Variants in AKAP8 observed in about 807,000 individuals in gnomAD.
The protein encoded by AKAP8 is A-kinase anchoring protein 8.
In AKAP8, 24 loss-of-function variants were observed where a neutral mutation model predicts 67.5. That is an observed-to-expected ratio of 0.36 (90% confidence interval 0.26 to 0.50). AKAP8 has a LOEUF of 0.50. Among genes scored for constraint, AKAP8 ranks in the 20% least tolerant of loss-of-function variants. The pLI, the probability that AKAP8 is intolerant of heterozygous loss-of-function variation, is 0.97. For missense variants in AKAP8, 971 were observed against 955.9 expected, an observed-to-expected ratio of 1.02 and a Z score of -0.21; for synonymous variants, 400 against 371.1, an observed-to-expected ratio of 1.08 and a Z score of -0.90.
intron 7 of AKAP8, among the ~76,000 whole-genome samples, chr19:15,371,546 T>C (rs932911432): frequency 6.6e-6 from 1 of 151,686 alleles, no homozygotes; most frequent in Non-Finnish European, 1.5e-5. Flanking sequence ...TGGGGTGCAG[T>C]GATGCAACGT....
In AKAP8 at chr19:15,373,903, C is replaced by T; in HGVS notation, c.254G>A (p.Cys85Tyr). ...MHMASYGPEP[C>Y]TDNSDSLIAK... ...AATGAGGGAGTCGGAATTGTCGGTG[C>T]ATGGCTCTGGGCCGTAAGAGGCCAT... Residue 85 changes from cysteine to tyrosine, a missense_variant, in exon 4 of 14, where the codon TGC (cysteine) becomes TAC (tyrosine). By Grantham distance (194) the Cys-to-Tyr change is radical (BLOSUM62 -2). Coordinates refer to ENST00000269701, the MANE Select transcript of AKAP8 (RefSeq NM_005858.4). 6.2e-7 allele frequency: 1 copy of T among 1,613,746 alleles called. No individual in the cohort carries two copies. Among genetic ancestry groups the T allele is most frequent in the Middle Eastern group, 1.7e-4 (1 of 5,762 alleles).
At chr19:15,374,730 GC>G in intron 2 of AKAP8, 95 bp from the exon 3 acceptor site, 2 of 1,462,846 alleles carry the variant, frequency 1.4e-6, no homozygotes, top group Non-Finnish European at 1.9e-6. Flanking sequence ...CAGCCCCAGG[GC>G]CAGGGCTTCC....
intron 9 of AKAP8, among the ~76,000 whole-genome samples, chr19:15,364,108 C>CAAAAAA (rs71176406): frequency 0.048 from 2,530 of 52,312 alleles, 579 homozygotes; most frequent in African/African-American, 0.17. Flanking sequence ...TGGCAGTGGG[C>CAAAAAA]AAAAAAAAAA....
In AKAP8 at chr19:15,355,089, A is replaced by T; in HGVS notation, c.1905T>A (p.His635Gln). ...LEEQVPCGTA[H>Q]EKGVPKARSE... ...TTCTGGCCTTGGGGACGCCCTTCTC[A>T]TGTGCCGTTCCACAGGGCACCTGCT... Residue 635 changes from histidine to glutamine, a missense_variant, in exon 14 of 14, where the codon CAT (histidine) becomes CAA (glutamine). Coordinates refer to ENST00000269701, the MANE Select transcript of AKAP8 (RefSeq NM_005858.4). 1 of 1,613,898 alleles carries T rather than the reference A, an allele frequency of 6.2e-7. No homozygotes were observed. The highest frequency in any genetic ancestry group is 1.3e-5 in the African/African-American group (1 of 75,014).
chr19:15,367,497 C>T (rs567739069), intron 9 of AKAP8, among the ~76,000 whole-genome samples: 145 of 152,248 alleles, frequency 9.5e-4, no homozygotes, highest in African/African-American at 3.4e-3. Context: ...TATTGCACTC[C>T]AGCCTGGGCG....
intron 2 of AKAP8, among the ~76,000 whole-genome samples, chr19:15,375,388 C>T (rs1163804313): frequency 6.6e-6 from 1 of 152,190 alleles, no homozygotes; most frequent in Admixed American, 6.5e-5. Context: ...TACCAGCACA[C>T]TGCCCGTAGC....
At chr19:15,377,890 C>A (rs961440082) in intron 1 of AKAP8, among the ~76,000 whole-genome samples, 8 of 152,200 alleles carry the variant, frequency 5.3e-5, no homozygotes, top group African/African-American at 1.9e-4. Context: ...ACTATGGCAT[C>A]TGTCTGGTCC....
In AKAP8 at chr19:15,369,947, A is replaced by G. The variant is rs562968176; in HGVS notation, c.1072+199T>C. Among the ~76,000 whole-genome samples the G allele has an allele frequency of 6.6e-6, 1 of 152,108 alleles. No individual in the cohort carries two copies. On this transcript the variant is annotated intron_variant, in intron 8 of 13. Coordinates refer to ENST00000269701, the MANE Select transcript of AKAP8 (RefSeq NM_005858.4). The surrounding 1 kb of genome is among the most constrained non-coding windows in gnomAD (Gnocchi z 4.6). ...GGGTCAGGCAGACAGACCCGTTTCC[A>G]GTAAATGCTGCCCCAGACACTTTGA...
chr19:15,354,767 C>T lies in AKAP8; in HGVS notation c.*148G>A. 3 of 886,512 alleles carry T rather than the reference C, an allele frequency of 3.4e-6. No homozygotes were observed. Among genetic ancestry groups the T allele is most frequent in the Non-Finnish European group, 5.1e-6 (3 of 590,704 alleles). The allele number at this position is 886,512 out of a possible 1,614,324, so 54.9% of individuals were successfully genotyped here. On this transcript the variant is annotated 3_prime_UTR_variant, in exon 14 of 14. Coordinates refer to ENST00000269701, the MANE Select transcript of AKAP8 (RefSeq NM_005858.4). The stretch of plus-strand genomic sequence containing the variant: ...TGCATGAGACAAGCCGTGAGAGGCA[C>T]TGCTCAGGAGGAAACGCTGGGTCTC...
intron 13 of AKAP8, among the ~76,000 whole-genome samples, chr19:15,357,708 C>CTGT (rs1966903111): frequency 8.3e-6 from 1 of 120,996 alleles, no homozygotes. Flanking sequence ...TTTCCTCCCT[C>CTGT]TTTTTTTTTT....
chr19:15,375,362 G>C (rs994122181), intron 2 of AKAP8, among the ~76,000 whole-genome samples: 1 of 152,078 alleles, frequency 6.6e-6, no homozygotes, highest in Non-Finnish European at 1.5e-5. Context: ...TTCGAATTTC[G>C]GTGCCCATAA....
intron 5 of AKAP8, 62 bp downstream of exon 5, chr19:15,372,789 C>G: frequency 6.9e-7 from 1 of 1,453,996 alleles, no homozygotes; most frequent in Non-Finnish European, 9.0e-7. Context: ...GGAAATTTTA[C>G]CTCAATAAAG....
In AKAP8 at chr19:15,371,051, C is replaced by T. The variant is rs1323626516; in HGVS notation, c.1039-872G>A. Among the ~76,000 whole-genome samples the T allele has an allele frequency of 7.2e-5, 11 of 152,218 alleles. No homozygotes were observed. The East Asian group carries it at 2.1e-3, about 29-fold the overall frequency. ...GCTAAATTAACAATCAGCAGGTTTA[C>T]AGAGATTCCTAATCTCAAGACCAGC... On this transcript the variant is annotated intron_variant, in intron 7 of 13. Transcript: ENST00000269701.
intron 7 of AKAP8, among the ~76,000 whole-genome samples, chr19:15,370,487 C>G (rs531514937): frequency 6.6e-6 from 1 of 152,178 alleles, no homozygotes; most frequent in African/African-American, 2.4e-5. Flanking sequence ...AAGACCCACC[C>G]GTACAATTCT....
intron 9 of AKAP8, among the ~76,000 whole-genome samples, chr19:15,366,889 G>C (rs531628940): frequency 1.3e-3 from 202 of 151,964 alleles, no homozygotes; most frequent in African/African-American, 4.8e-3. Flanking sequence ...GATTACAGGC[G>C]TGAGCCACTG....
At chr19:15,373,728 A>G in intron 4 of AKAP8, 58 bp downstream of exon 4, 2 of 1,538,106 alleles carry the variant, frequency 1.3e-6, no homozygotes, top group South Asian at 1.2e-5. Flanking sequence ...GCCCACTCCC[A>G]TGCGCACAAA....
rs1204642552 is a variant in AKAP8 at position 15,370,284 on chromosome 19, C to A, written c.1039-105G>T. On this transcript the variant is annotated intron_variant, in intron 7 of 13. Transcript: ENST00000269701. The stretch of plus-strand genomic sequence containing the variant: ...GCCTGGTGGGCAGTCTCACCCAAGA[C>A]CTAGGTTGCTATGCCACCAAGAATG... 18 of 1,339,232 alleles carry A rather than the reference C, an allele frequency of 1.3e-5. No individual in the cohort carries two copies. The Admixed American group carries it at 3.1e-4, about 23-fold the overall frequency. The allele number at this position is 1,339,232 out of a possible 1,614,324, so 83.0% of individuals were successfully genotyped here. A position where few individuals can be genotyped will look rare whatever the true frequency, so the allele number is the denominator to read the frequency against.
At chr19:15,372,653 A>T (rs775238464) in intron 5 of AKAP8, among the ~76,000 whole-genome samples, 198 bp downstream of exon 5, 2 of 152,124 alleles carry the variant, frequency 1.3e-5, no homozygotes, top group Non-Finnish European at 2.9e-5. Flanking sequence ...AATGAGAAGA[A>T]GTTTCTCTTC....
intron 1 of AKAP8, among the ~76,000 whole-genome samples, chr19:15,377,433 G>A (rs1288597884): frequency 6.6e-6 from 1 of 152,216 alleles, no homozygotes; most frequent in Admixed American, 6.5e-5. Context: ...TGGGAATTTA[G>A]TGACATAAAT....
Sources: allele counts gnomAD v4.1 joint callset (sites outside exome capture counted in the v4.1 genomes callset), GRCh38; gene constraint gnomAD v4.1.1; non-coding constraint Gnocchi (gnomAD v3.1); transcripts MANE v1.5; gene names NCBI Gene and HGNC (gene_info 2026-07-23, HGNC 2026-07-21).